The following USP34 variants were observed in gnomAD, a reference collection of about 807,000 sequenced individuals.
USP34 encodes the protein ubiquitin carboxyl-terminal hydrolase 34.
USP34 carries 70 observed loss-of-function variants against 460.3 expected under a neutral mutation model. The observed-to-expected ratio is 0.15, with a 90% CI of 0.13 to 0.19. USP34 has a LOEUF of 0.19. Among genes scored for constraint, USP34 ranks in the 10% least tolerant of loss-of-function variants. The pLI, the probability that USP34 is intolerant of heterozygous loss-of-function variation, is 1.00. For missense variants in USP34, 3,985 were observed against 4,236.2 expected (o/e 0.94, Z 1.65); for synonymous variants, 1,647 against 1,405.3 (o/e 1.17, Z -3.85).
intron 51 of USP34, among the ~76,000 whole-genome samples, chr2:61,243,259 G>C (rs1373376019): frequency 4.6e-5 from 7 of 152,088 alleles, no homozygotes; most frequent in Non-Finnish European, 7.4e-5. Flanking sequence ...CGATTCTCCT[G>C]TCTCAGCCTC....
chr2:61,301,400 T>A lies in USP34; in HGVS notation c.3872A>T (p.Asp1291Val), dbSNP rs750658215. The change falls in exon 28 of 80, where the codon GAT (aspartate) becomes GTT (valine). Residue 1291 changes from aspartate to valine, a missense_variant. Asp to Val is a radical substitution (Grantham distance 152). Around this residue, in one of 14 missense-constraint regions of USP34, gnomAD observed 1,114 missense variants for 1,122.5 expected, o/e 0.99. Coordinates refer to ENST00000398571, the MANE Select transcript of USP34 (RefSeq NM_014709.4). Reference sequence around the variant, plus strand: ...CTCATGAAGTGCTTTTTCATCATAATCTGTTGTTAACTCGTGTCCAGATGA... The same window carrying A: ...CTCATGAAGTGCTTTTTCATCATAAACTGTTGTTAACTCGTGTCCAGATGA... Reference protein sequence around the residue: ...MISSGHELTTDYDEKALHELG... With the variant: ...MISSGHELTTVYDEKALHELG... The A allele has an allele frequency of 6.2e-7, 1 of 1,613,960 alleles. No homozygotes were observed. The highest frequency in any genetic ancestry group is 8.5e-7 in the Non-Finnish European group (1 of 1,180,010).
intron 33 of USP34, among the ~76,000 whole-genome samples, chr2:61,290,384 G>C (rs1689814261): frequency 6.6e-6 from 1 of 152,100 alleles, no homozygotes; most frequent in Non-Finnish European, 1.5e-5. Flanking sequence ...TGACCTGTAT[G>C]TGAATGTTTA....
At chr2:61,431,936 G>T (rs1694687744) in intron 1 of USP34, among the ~76,000 whole-genome samples, 1 of 152,064 alleles carries the variant, frequency 6.6e-6, no homozygotes, top group Non-Finnish European at 1.5e-5. Flanking sequence ...AAATGCTTGA[G>T]ATAACAATAA....
At chr2:61,317,469 G>A (rs1483445854) in intron 23 of USP34, among the ~76,000 whole-genome samples, 185 bp downstream of exon 23, 3 of 152,216 alleles carry the variant, frequency 2.0e-5, no homozygotes, top group Non-Finnish European at 4.4e-5. Context: ...GGAGGTTGCA[G>A]TGAGCTGAGA....
intron 43 of USP34, among the ~76,000 whole-genome samples, chr2:61,262,193 T>TA (rs58998255): frequency 6.7e-6 from 1 of 150,010 alleles, no homozygotes; most frequent in Non-Finnish European, 1.5e-5. Flanking sequence ...TTTTTTTTTT[T>TA]ACTGTTTACT....
chr2:61,291,437 C>T (rs1689848927), intron 33 of USP34, among the ~76,000 whole-genome samples: 1 of 152,098 alleles, frequency 6.6e-6, no homozygotes, highest in East Asian at 1.9e-4. Context: ...CACTCTATAC[C>T]CAAGGCACAA....
chr2:61,347,952 C>T lies in USP34; in HGVS notation c.2203G>A (p.Gly735Arg). Residue 735 changes from glycine (G) to arginine (R), a missense_variant, in exon 15 of 80, where the codon GGG (glycine) becomes AGG (arginine). By Grantham distance (125) the Gly-to-Arg change is moderately radical. Coordinates refer to ENST00000398571, the MANE Select transcript of USP34 (RefSeq NM_014709.4). ...TGTCGACAATTAAATAATTCATTCCCAATAGTCTCCCCAAGGAAGTCCCCA... is the reference window on the plus strand; with the variant it reads ...TGTCGACAATTAAATAATTCATTCCTAATAGTCTCCCCAAGGAAGTCCCCA... The part of the protein sequence containing the change: ...RTGDFLGETI[G>R]NELFNCRQFI... 1.2e-6 allele frequency: 2 copies of T among 1,613,990 alleles called. No homozygotes were observed. Among genetic ancestry groups the T allele is most frequent in the Non-Finnish European group, 1.7e-6 (2 of 1,180,002 alleles).
intron 20 of USP34, among the ~76,000 whole-genome samples, chr2:61,330,324 A>G (rs75935083): frequency 2.1e-4 from 32 of 152,310 alleles, no homozygotes; most frequent in Middle Eastern, 3.4e-3. Flanking sequence ...CATCGTCATC[A>G]TTATTCATGT....
intron 19 of USP34, among the ~76,000 whole-genome samples, chr2:61,333,614 T>C (rs1181916540): frequency 6.6e-6 from 1 of 152,126 alleles, no homozygotes; most frequent in South Asian, 2.1e-4. Context: ...CTGCTGTAGC[T>C]GCATACGCTA....
chr2:61,253,653 T>C lies in USP34; in HGVS notation c.6221+2731A>G, dbSNP rs1401127994. On this transcript the variant is annotated intron_variant, in intron 48 of 79. Coordinates refer to ENST00000398571, the MANE Select transcript of USP34 (RefSeq NM_014709.4). ...ACTTTTTATTCTCTGCCTTCAAACA[T>C]GCTCAGATATCTTTCATCTAGAAAA... Among the ~76,000 whole-genome samples, 4 of 152,310 alleles carry C rather than the reference T, an allele frequency of 2.6e-5. No homozygotes were observed. The South Asian group carries it at 8.3e-4, about 32-fold the overall frequency.
At chr2:61,325,046 G>A (rs1572936113) in intron 21 of USP34, among the ~76,000 whole-genome samples, 1 of 151,856 alleles carries the variant, frequency 6.6e-6, no homozygotes, top group South Asian at 2.1e-4. Flanking sequence ...CTAAACAATG[G>A]GTACACATGG....
At chr2:61,302,256 C>G (rs1004168526) in intron 27 of USP34, among the ~76,000 whole-genome samples, 3 of 152,160 alleles carry the variant, frequency 2.0e-5, no homozygotes, top group African/African-American at 7.2e-5. Context: ...AGACACTAAA[C>G]AATTACTTTC....
Position 61,248,653 on chromosome 2 carries a change from C to T in USP34, c.6252G>A (p.Leu2084=), listed in dbSNP as rs374383803. Residue 2084 remains leucine, a synonymous_variant, in exon 49 of 80, where the codon TTG becomes TTA. Transcript: ENST00000398571. The part of the protein sequence containing the change: ...RACFKKLPRI[L]SFNTMRYTFN... ...ATGTGTATCTCATAGTATTGAAACT[C>T]AAAATGCGAGGCAATTTCTTAAAAC... is the stretch of plus-strand genomic sequence containing the variant. 107 of 1,569,024 alleles carry T rather than the reference C, an allele frequency of 6.8e-5. No homozygotes were observed. The highest frequency in any genetic ancestry group is 8.5e-5 in the Non-Finnish European group (98 of 1,153,710).
chr2:61,408,540 T>C (rs1693947604), intron 2 of USP34, among the ~76,000 whole-genome samples: 1 of 152,102 alleles, frequency 6.6e-6, no homozygotes, highest in Non-Finnish European at 1.5e-5. Flanking sequence ...TAAACACATT[T>C]CTCCTACAAT....
intron 27 of USP34, among the ~76,000 whole-genome samples, chr2:61,305,183 G>A (rs141640667): frequency 5.9e-4 from 89 of 152,104 alleles, no homozygotes; most frequent in Admixed American, 9.2e-4. Flanking sequence ...AATTAGCCAG[G>A]CGTGGTGGAG....
chr2:61,235,795 A>G (rs759592958), intron 57 of USP34, 50 bp downstream of exon 57: 36 of 1,561,096 alleles, frequency 2.3e-5, no homozygotes, highest in African/African-American at 2.1e-4. Context: ...GAGGGGGGGA[A>G]AAAAAAAAGA....
At chr2:61,278,063 GGT>G in intron 41 of USP34, 100 bp downstream of exon 41, 3 of 1,378,880 alleles carry the variant, frequency 2.2e-6, no homozygotes, top group Non-Finnish European at 3.0e-6. Flanking sequence ...CCCAGTCTCG[GGT>G]ATGCCTTTAT....
At chr2:61,193,542 AG>A (rs1489641231) in intron 75 of USP34, among the ~76,000 whole-genome samples, 1 of 152,088 alleles carries the variant, frequency 6.6e-6, no homozygotes, top group Non-Finnish European at 1.5e-5. Flanking sequence ...ACTATGTCAG[AG>A]AGTGCTATTT....
At chr2:61,338,912 TGA>T (rs1205570941) in intron 18 of USP34, among the ~76,000 whole-genome samples, 1 of 152,210 alleles carries the variant, frequency 6.6e-6, no homozygotes, top group Non-Finnish European at 1.5e-5. Flanking sequence ...CTACAAATGC[TGA>T]GACATTAAAA....
Sources: gnomAD v4.1 joint callset for allele counts (sites outside exome capture counted in the v4.1 genomes callset) on GRCh38, gnomAD v4.1.1 for gene constraint, gnomAD v4.1.1 regional missense constraint, MANE v1.5 for transcripts, NCBI Gene and HGNC (gene_info 2026-07-23, HGNC 2026-07-21) for gene names.